PRDM10: variants seen among roughly 807,000 people sequenced by gnomAD.
PRDM10 encodes PR/SET domain 10, also known as PR domain zinc finger protein 10.
A neutral mutation model predicts 133.1 loss-of-function variants in PRDM10; 65 were observed. The observed-to-expected ratio is 0.49, with a 90% CI of 0.40 to 0.60. PRDM10 has a LOEUF of 0.60. Among genes scored for constraint, PRDM10 ranks in the 20% least tolerant of loss-of-function variants. The pLI is 0.00. For missense variants in PRDM10, 1,137 were observed against 1,507.1 expected (o/e 0.75, Z 4.07); for synonymous variants, 582 against 580.4 (o/e 1.00, Z -0.04).
At position 129,988,672 on chromosome 11, in the gene PRDM10, T is replaced by C. The variant is rs145658364; in HGVS notation, c.-119+14050A>G. On this transcript the variant is annotated intron_variant, in intron 1 of 20. Transcript: ENST00000360871. ...TGAGACGGAATCTCGCTCTGTTGCC[T>C]GGGCTGGAGTGCAGTGGTGCAATCT... 9.8e-3 allele frequency among the ~76,000 whole-genome samples: 1,483 copies of C among 151,906 alleles called. 14 individuals carry two copies. Among genetic ancestry groups the C allele is most frequent in the Non-Finnish European group, 0.016 (1,060 of 67,960 alleles).
intron 8 of PRDM10, among the ~76,000 whole-genome samples, chr11:129,937,388 A>G (rs1165037938): frequency 6.6e-6 from 1 of 152,190 alleles, no homozygotes; most frequent in African/African-American, 2.4e-5. Context: ...TCTTCATTAT[A>G]TTAAATATTA....
intron 1 of PRDM10, among the ~76,000 whole-genome samples, chr11:129,992,912 C>G (rs1312249188): frequency 6.6e-6 from 1 of 152,136 alleles, no homozygotes; most frequent in Non-Finnish European, 1.5e-5. Context: ...ACACAGCAGT[C>G]CTGAAATAGT....
intron 1 of PRDM10, among the ~76,000 whole-genome samples, chr11:129,979,211 A>C (rs1937964829): frequency 6.6e-6 from 1 of 152,182 alleles, no homozygotes; most frequent in South Asian, 2.1e-4. Context: ...AGTAGGTGGG[A>C]ACCTCAAAGC....
intron 1 of PRDM10, among the ~76,000 whole-genome samples, chr11:129,966,502 C>G (rs1293200450): frequency 6.6e-6 from 1 of 152,198 alleles, no homozygotes. Flanking sequence ...TGTTGACATA[C>G]TGAGCCTAAC....
chr11:129,964,114 G>A (rs549646106), intron 1 of PRDM10, among the ~76,000 whole-genome samples: 1 of 152,112 alleles, frequency 6.6e-6, no homozygotes, highest in South Asian at 2.1e-4. Context: ...GTGTCCTTCC[G>A]ATAGAGGAAT....
intron 19 of PRDM10, among the ~76,000 whole-genome samples, chr11:129,908,335 G>A (rs756642255): frequency 5.9e-5 from 9 of 152,094 alleles, no homozygotes; most frequent in African/African-American, 9.7e-5. Flanking sequence ...TAGACTACAC[G>A]TGGTGGCTCA....
At chr11:129,909,444 C>A (rs539455192) in intron 19 of PRDM10, among the ~76,000 whole-genome samples, 2 of 148,388 alleles carry the variant, frequency 1.3e-5, no homozygotes, top group African/African-American at 5.0e-5. Context: ...AGCGAGACCC[C>A]ATCTCAAAAA....
chr11:129,910,548 G>C lies in PRDM10; in HGVS notation c.3091C>G (p.Gln1031Glu). Reference sequence around the variant, plus strand: ...ACAGAGGAATTCTGCTGCTGCTGCTGCTGCTGCTGCAGAGCCTGCCCCTGT... The same window carrying C: ...ACAGAGGAATTCTGCTGCTGCTGCTCCTGCTGCTGCAGAGCCTGCCCCTGT... Reference protein sequence around the residue: ...STQGQALQQQQQQQQNSSVQH... With the variant: ...STQGQALQQQEQQQQNSSVQH... Residue 1031 changes from glutamine (Q) to glutamate (E), a missense_variant, in exon 19 of 21, where the codon CAG becomes GAG. By Grantham distance (29) the Gln-to-Glu change is conservative (BLOSUM62 2). Transcript: ENST00000360871. The C allele has an allele frequency of 1.2e-6, 2 of 1,614,152 alleles. No individual in the cohort carries two copies. The highest frequency in any genetic ancestry group is 1.7e-6 in the Non-Finnish European group (2 of 1,180,022).
intron 1 of PRDM10, among the ~76,000 whole-genome samples, chr11:129,967,562 G>C (rs915082163): frequency 6.6e-6 from 1 of 152,128 alleles, no homozygotes; most frequent in Admixed American, 6.5e-5. Context: ...ATTCAAGAAA[G>C]GGTAGCAATT....
chr11:129,968,154 C>A lies in PRDM10; in HGVS notation c.-118-7072G>T, dbSNP rs76771663. 2.9e-3 allele frequency among the ~76,000 whole-genome samples: 436 copies of A among 152,306 alleles called. 2 individuals carry two copies. Among genetic ancestry groups the A allele is most frequent in the African/African-American group, 0.01 (425 of 41,554 alleles). On this transcript the variant is annotated intron_variant, in intron 1 of 20. Coordinates refer to ENST00000360871, the MANE Select transcript of PRDM10 (RefSeq NM_199437.2). ...TGTGACACACAGTGGTTAAGTTCCA[C>A]AGCACTGTTGGTACATTATTAACCT...
intron 1 of PRDM10, among the ~76,000 whole-genome samples, chr11:129,978,793 G>A (rs554648488): frequency 7.9e-5 from 12 of 152,294 alleles, no homozygotes; most frequent in East Asian, 5.8e-4. Context: ...AAGTAGGCAC[G>A]CAAGCAAATC....
chr11:129,959,876 A>C (rs969241949), intron 2 of PRDM10, among the ~76,000 whole-genome samples: 2 of 151,344 alleles, frequency 1.3e-5, no homozygotes, highest in African/African-American at 4.9e-5. Context: ...CCTCCTAGAG[A>C]CATGACCGCA....
At chr11:129,988,760 G>C (rs1938566719) in intron 1 of PRDM10, among the ~76,000 whole-genome samples, 1 of 151,962 alleles carries the variant, frequency 6.6e-6, no homozygotes, top group South Asian at 2.1e-4. Context: ...CTCCCGAGTA[G>C]CTGGAACTAC....
intron 1 of PRDM10, among the ~76,000 whole-genome samples, chr11:129,989,654 T>G (rs1402822125): frequency 6.6e-6 from 1 of 152,214 alleles, no homozygotes; most frequent in Non-Finnish European, 1.5e-5. Flanking sequence ...AACTCCTGGT[T>G]AATGTATAGA....
chr11:129,905,793 T>C, intron 19 of PRDM10, 52 bp from the exon 20 acceptor site: 2 of 1,499,600 alleles, frequency 1.3e-6, no homozygotes, highest in Non-Finnish European at 1.8e-6. Context: ...TTAACACAAG[T>C]CTTAGAAACA....
At chr11:129,928,765 G>T (rs1950762352) in intron 11 of PRDM10, among the ~76,000 whole-genome samples, 1 of 152,104 alleles carries the variant, frequency 6.6e-6, no homozygotes, top group Non-Finnish European at 1.5e-5. Context: ...TGGTTGGCCA[G>T]CCCTGCCCAA....
intron 4 of PRDM10, among the ~76,000 whole-genome samples, chr11:129,954,409 C>T (rs1017503636): frequency 6.6e-6 from 1 of 151,628 alleles, no homozygotes; most frequent in South Asian, 2.1e-4. Context: ...ATTACAGGCA[C>T]CCGCCACCAT....
chr11:129,984,414 C>G (rs77965814), intron 1 of PRDM10, among the ~76,000 whole-genome samples: 3,846 of 152,328 alleles, frequency 0.025, 134 homozygotes, highest in African/African-American at 0.075. Context: ...TGCCATCTGT[C>G]TGCTCTTCCC....
intron 10 of PRDM10, among the ~76,000 whole-genome samples, chr11:129,931,684 C>A (rs978168712): frequency 2.8e-4 from 43 of 151,744 alleles, no homozygotes; most frequent in Non-Finnish European, 4.4e-4. Flanking sequence ...CTCCTGCCTC[C>A]GCCTCCCGAG....
Sources: allele counts gnomAD v4.1 joint callset (sites outside exome capture counted in the v4.1 genomes callset), GRCh38; gene constraint gnomAD v4.1.1; transcripts MANE v1.5; gene names NCBI Gene and HGNC (gene_info 2026-07-23, HGNC 2026-07-21).